PCDHGA6: variants seen among roughly 807,000 people sequenced by gnomAD.
The protein encoded by PCDHGA6 is protocadherin gamma-A6.
In PCDHGA6, 41 loss-of-function variants were observed where a neutral mutation model predicts 60.6. The ratio of observed to expected loss-of-function variants is 0.68; its 90% CI spans 0.53 to 0.88. PCDHGA6 has a LOEUF of 0.88. Among genes scored for constraint, PCDHGA6 ranks in the 40% least tolerant of loss-of-function variants. The pLI, the probability that PCDHGA6 is intolerant of heterozygous loss-of-function variation, is 0.00. For missense variants in PCDHGA6, 1,312 were observed against 1,203.0 expected, an observed-to-expected ratio of 1.09 and a Z score of -1.34; for synonymous variants, 594 against 524.4, an observed-to-expected ratio of 1.13 and a Z score of -1.81.
chr5:141,388,527 T>C, intron 1 of PCDHGA6: 1 of 1,613,866 alleles, frequency 6.2e-7, no homozygotes, highest in Non-Finnish European at 8.5e-7. Flanking sequence ...TTTGACTGCC[T>C]TGGACTTTGG....
At chr5:141,384,386 T>C in intron 1 of PCDHGA6, 1 of 1,613,954 alleles carries the variant, frequency 6.2e-7, no homozygotes, top group Non-Finnish European at 8.5e-7. Flanking sequence ...GAAGACACCA[T>C]CCAGGGGGCT....
rs2099615088 is a variant in PCDHGA6, at chr5:141,485,526, G to A, written c.2425-9281G>A. On this transcript the variant is annotated intron_variant, in intron 1 of 3. Coordinates refer to ENST00000517434, the MANE Select transcript of PCDHGA6 (RefSeq NM_018919.3). The surrounding 1 kb of genome is among the most constrained non-coding windows in gnomAD (Gnocchi z 5.7). Reference sequence around the variant, plus strand: ...ACCGAAGGTCCTTTGGAAATGTACCGAGCAGAGGTAGAGATCGTAGATGTG... The same window carrying A: ...ACCGAAGGTCCTTTGGAAATGTACCAAGCAGAGGTAGAGATCGTAGATGTG... 6.2e-7 allele frequency: 1 copy of A among 1,614,154 alleles called. No individual in the cohort carries two copies. The highest frequency in any genetic ancestry group is 2.2e-5 in the East Asian group (1 of 44,880).
At chr5:141,427,573 T>C in intron 1 of PCDHGA6, 1 of 667,160 alleles carries the variant, frequency 1.5e-6, no homozygotes, top group Non-Finnish European at 2.8e-6. Context: ...AAGCCTCCGC[T>C]CTCATCCAGC....
At position 141,493,774 on chromosome 5, in the gene PCDHGA6, C is replaced by T. The variant is rs2099749996; in HGVS notation, c.2425-1033C>T. On this transcript the variant is annotated intron_variant, in intron 1 of 3. Coordinates refer to ENST00000517434, the MANE Select transcript of PCDHGA6 (RefSeq NM_018919.3). The surrounding 1 kb of genome is among the most constrained non-coding windows in gnomAD (Gnocchi z 4.3). ...GCCTTGAGTGAGCCACTGGCAGTTC[C>T]GGAGCTTCCTTCTCCCTGGAGTAAT... Among the ~76,000 whole-genome samples, 1 of 152,258 alleles carries T rather than the reference C, an allele frequency of 6.6e-6. No homozygotes were observed. The highest frequency in any genetic ancestry group is 1.9e-4 in the East Asian group (1 of 5,176).
In PCDHGA6 at chr5:141,393,675, C is replaced by T. The variant is rs755191809; in HGVS notation, c.2424+17168C>T. The stretch of plus-strand genomic sequence containing the variant: ...CAAATTCCGGAAAATTAATGAAAAA[C>T]AAACTCCGTTATTCCAGCTTAATGA... On this transcript the variant is annotated intron_variant, in intron 1 of 3. Transcript: ENST00000517434. 4 of 1,613,756 alleles carry T rather than the reference C, an allele frequency of 2.5e-6. No individual in the cohort carries two copies. The South Asian group carries it at 3.3e-5, about 13-fold the overall frequency.
At chr5:141,457,929 C>T (rs1207409757) in intron 1 of PCDHGA6, among the ~76,000 whole-genome samples, 2 of 152,194 alleles carry the variant, frequency 1.3e-5, no homozygotes, top group Non-Finnish European at 2.9e-5. Context: ...CCCCAAGGGG[C>T]TTTTATTGGC....
At position 141,476,978 on chromosome 5, in the gene PCDHGA6, C is replaced by T; in HGVS notation, c.2425-17829C>T. 2 of 1,614,256 alleles carry T rather than the reference C, an allele frequency of 1.2e-6. No homozygotes were observed. Among genetic ancestry groups the T allele is most frequent in the Non-Finnish European group, 1.7e-6 (2 of 1,180,058 alleles). ...TATTTACTCCTTCGGCAGCCACAAC[C>T]GCGCCGGCGTGCGGCAACTATTCGC... On this transcript the variant is annotated intron_variant, in intron 1 of 3. Coordinates refer to ENST00000517434, the MANE Select transcript of PCDHGA6 (RefSeq NM_018919.3). This position sits in a 1 kb window ranked among gnomAD's most constrained non-coding sequence, Gnocchi z 7.6.
chr5:141,373,897 C>T lies in PCDHGA6; in HGVS notation c.-187C>T. 1.9e-6 allele frequency: 1 copy of T among 537,056 alleles called. No individual in the cohort carries two copies. Among genetic ancestry groups the T allele is most frequent in the Non-Finnish European group, 3.1e-6 (1 of 322,468 alleles). The allele number at this position is 537,056 out of a possible 1,614,324, so 33.3% of individuals were successfully genotyped here. A position where few individuals can be genotyped will look rare whatever the true frequency, so the allele number is the denominator to read the frequency against. Reference sequence around the variant, plus strand: ...AGAAAATCAACGGAAACTCAAGTTACATCCTCCAACAACAAAGCAAATTAG... The same window carrying T: ...AGAAAATCAACGGAAACTCAAGTTATATCCTCCAACAACAAAGCAAATTAG... On this transcript the variant is annotated 5_prime_UTR_variant, in exon 1 of 4. Transcript: ENST00000517434.
At position 141,490,960 on chromosome 5, in the gene PCDHGA6, T is replaced by G. The variant is rs1384140919; in HGVS notation, c.2425-3847T>G. 1.9e-6 allele frequency: 3 copies of G among 1,613,794 alleles called. No individual in the cohort carries two copies. In the Admixed American group the frequency reaches 5.0e-5, roughly 27 times the overall value. On this transcript the variant is annotated intron_variant, in intron 1 of 3. Transcript: ENST00000517434. The surrounding 1 kb of genome is among the most constrained non-coding windows in gnomAD (Gnocchi z 5.4). ...GCACCCACGGCCAGACTGGGAACAC[T>G]CAGCCCCCCAGCGTCTCCCTCGCTC...
At chr5:141,483,743 C>G (rs1360515518) in intron 1 of PCDHGA6, among the ~76,000 whole-genome samples, 2 of 152,022 alleles carry the variant, frequency 1.3e-5, no homozygotes, top group Non-Finnish European at 2.9e-5. Context: ...AAAGGATATT[C>G]CTGAGGATCG....
intron 1 of PCDHGA6, chr5:141,417,503 T>G (rs1171198405): frequency 8.7e-6 from 2 of 229,844 alleles, no homozygotes; most frequent in East Asian, 1.9e-4. Context: ...GGAAAAAGAT[T>G]AAAATATTTT....
At chr5:141,494,890 C>A (rs1483157263) in intron 2 of PCDHGA6, 25 bp downstream of exon 2, 1 of 1,614,120 alleles carries the variant, frequency 6.2e-7, no homozygotes. Context: ...CTCCAGCCCA[C>A]CCTCTTCTCT....
At chr5:141,406,682 ATTC>A (rs1390945950) in intron 1 of PCDHGA6, among the ~76,000 whole-genome samples, 1 of 152,216 alleles carries the variant, frequency 6.6e-6, no homozygotes, top group Non-Finnish European at 1.5e-5. Flanking sequence ...ATAGTAGGAC[ATTC>A]TTCTTTTCTA....
At chr5:141,415,853 G>C (rs2154546169) in intron 1 of PCDHGA6, 1 of 1,186,350 alleles carries the variant, frequency 8.4e-7, no homozygotes, top group Admixed American at 4.0e-5. Context: ...GCAGAACCTT[G>C]TAGTTTATAG....
rs375029709 is a variant in PCDHGA6, at chr5:141,374,203, G to A, written c.120G>A (p.Glu40=). 16 of 1,613,808 alleles carry A rather than the reference G, an allele frequency of 9.9e-6. No individual in the cohort carries two copies. Among genetic ancestry groups the A allele is most frequent in the Non-Finnish European group, 1.1e-5 (13 of 1,179,908 alleles). ...GCTACTCTATTCCCGAGGAGCTGGA[G>A]AAAGGCTCCTTCGTAGGCAACATCG... ...QIRYSIPEEL[E]KGSFVGNIVK... is the part of the protein sequence containing the mutation. The change falls in exon 1 of 4, where the codon GAG becomes GAA. Residue 40 remains glutamate, a synonymous_variant. Transcript: ENST00000517434.
At chr5:141,404,978 G>T (rs373968137) in intron 1 of PCDHGA6, 2 of 1,613,976 alleles carry the variant, frequency 1.2e-6, no homozygotes, top group Non-Finnish European at 8.5e-7. Flanking sequence ...GGCTGACCTG[G>T]GCAGTCTTCA....
In PCDHGA6 at chr5:141,375,705, C is replaced by G. The variant is rs1257909608; in HGVS notation, c.1622C>G (p.Pro541Arg). 26 of 1,614,162 alleles carry G rather than the reference C, an allele frequency of 1.6e-5. No individual in the cohort carries two copies. The highest frequency in any genetic ancestry group is 2.1e-5 in the Non-Finnish European group (25 of 1,180,056). Reference sequence around the variant, plus strand: ...ACAGCCAGCGACAGCGGGGACCCGCCTCTTAGCAGCAACGTGTCACTGAGC... The same window carrying G: ...ACAGCCAGCGACAGCGGGGACCCGCGTCTTAGCAGCAACGTGTCACTGAGC... Reference protein sequence around the residue: ...WVTASDSGDPPLSSNVSLSLF... With the variant: ...WVTASDSGDPRLSSNVSLSLF... Residue 541 changes from proline to arginine, a missense_variant, in exon 1 of 4, where the codon CCT becomes CGT. Coordinates refer to ENST00000517434, the MANE Select transcript of PCDHGA6 (RefSeq NM_018919.3).
rs1264017483 is a variant in PCDHGA6 at position 141,477,989 on chromosome 5, A to G, written c.2425-16818A>G. The G allele has an allele frequency of 5.6e-6, 9 of 1,614,086 alleles. No individual in the cohort carries two copies. The highest frequency in any genetic ancestry group is 1.6e-4 in the Middle Eastern group (1 of 6,062). On this transcript the variant is annotated intron_variant, in intron 1 of 3. Coordinates refer to ENST00000517434, the MANE Select transcript of PCDHGA6 (RefSeq NM_018919.3). The surrounding 1 kb of genome is among the most constrained non-coding windows in gnomAD (Gnocchi z 4.9). ...GAGCCTTTTTGCCATAGGGCTGCACACTGGTCAAATCAGTACTGCCCGTCC... is the reference window on the plus strand; with the variant it reads ...GAGCCTTTTTGCCATAGGGCTGCACGCTGGTCAAATCAGTACTGCCCGTCC...
At chr5:141,419,049 C>T in intron 1 of PCDHGA6, 6 of 1,613,954 alleles carry the variant, frequency 3.7e-6, no homozygotes, top group Non-Finnish European at 5.1e-6. Flanking sequence ...ATTCATTCTT[C>T]TTCTAATAAT....
Sources: allele counts gnomAD v4.1 joint callset (sites outside exome capture counted in the v4.1 genomes callset), GRCh38; gene constraint gnomAD v4.1.1; non-coding constraint Gnocchi (gnomAD v3.1); transcripts MANE v1.5; gene names NCBI Gene and HGNC (gene_info 2026-07-23, HGNC 2026-07-21).